C4orf36: variants seen among roughly 807,000 people sequenced by gnomAD.
C4orf36 encodes the protein uncharacterized protein C4orf36.
C4orf36 carries 11 observed loss-of-function variants against 12.2 expected under a neutral mutation model. That is an observed-to-expected ratio of 0.90 (90% CI 0.57 to 1.49). C4orf36 has a LOEUF of 1.49. Among genes scored for constraint, C4orf36 ranks in the 40% most tolerant of loss-of-function variants. C4orf36 has a pLI of 0.00. For synonymous variants in C4orf36, 54 were observed against 51.3 expected (o/e 1.05, Z -0.22); for missense variants, 137 against 133.9 (o/e 1.02, Z -0.11).
chr4:86,902,439 A>AAAAAAAAAAAG, the C4orf36 span, among the ~76,000 whole-genome samples: 1 of 140,974 alleles, frequency 7.1e-6, no homozygotes. Context: ...AAAAAAAAAA[A>AAAAAAAAAAAG]AAAGAAAGAA....
the C4orf36 span, among the ~76,000 whole-genome samples, chr4:86,923,255 C>A: frequency 6.6e-6 from 1 of 152,032 alleles, no homozygotes; most frequent in Admixed American, 6.5e-5. Context: ...CTATGCCTGG[C>A]TGTTTTTTAA....
Position 86,892,406 on chromosome 4 carries a change from C to T in C4orf36, c.-297G>A. The T allele has an allele frequency of 1.0e-6, 1 of 985,572 alleles. No homozygotes were observed. Among genetic ancestry groups the T allele is most frequent in the Non-Finnish European group, 1.2e-6 (1 of 830,042 alleles). The allele number at this position is 985,572 out of a possible 1,614,324, so 61.1% of individuals were successfully genotyped here. On this transcript the variant is annotated 5_prime_UTR_variant, in exon 1 of 5. Transcript: ENST00000295898. ...CAGGCACACGCCTCCTTCCCGCTCG[C>T]CGCGGGCGCCGAGTCTGGGGCTCCT... is the stretch of plus-strand genomic sequence containing the variant.
At chr4:86,933,138 T>TA in the C4orf36 span, 1 of 149,536 alleles carries the variant, frequency 6.7e-6, no homozygotes, top group Non-Finnish European at 1.5e-5. Context: ...AAAGGCAACT[T>TA]AAAAAATAAT....
intron 4 of C4orf36, among the ~76,000 whole-genome samples, chr4:86,884,861 T>C (rs1384825353): frequency 6.6e-6 from 1 of 152,192 alleles, no homozygotes; most frequent in Non-Finnish European, 1.5e-5. Flanking sequence ...CTGTAATCCA[T>C]CTTGAATTAA....
the C4orf36 span, chr4:86,924,726 G>A: frequency 6.6e-6 from 1 of 152,216 alleles, no homozygotes; most frequent in East Asian, 1.9e-4. Context: ...GAACTTGTAT[G>A]CTTGAGGCTT....
the C4orf36 span, among the ~76,000 whole-genome samples, chr4:86,897,633 G>A: frequency 8.5e-5 from 13 of 152,196 alleles, no homozygotes; most frequent in Non-Finnish European, 1.6e-4. Flanking sequence ...GACCAAAACA[G>A]ACAATAATGG....
the C4orf36 span, among the ~76,000 whole-genome samples, chr4:86,915,963 G>A: frequency 6.6e-6 from 1 of 152,144 alleles, no homozygotes; most frequent in African/African-American, 2.4e-5. Flanking sequence ...CTCCCCTAGA[G>A]GCTTGAGAGA....
the C4orf36 span, among the ~76,000 whole-genome samples, chr4:86,902,392 C>T: frequency 4.3e-4 from 57 of 133,026 alleles, no homozygotes; most frequent in Admixed American, 4.6e-3. Flanking sequence ...ACTGCAACTC[C>T]AACCTGGGCA....
At chr4:86,923,763 C>CAA in the C4orf36 span, among the ~76,000 whole-genome samples, 19 of 62,406 alleles carry the variant, frequency 3.0e-4, no homozygotes, top group Admixed American at 9.3e-4. Context: ...GACTCTGTCT[C>CAA]AAAAAAAAAA....
At chr4:86,916,846 C>T in the C4orf36 span, among the ~76,000 whole-genome samples, 7 of 152,152 alleles carry the variant, frequency 4.6e-5, no homozygotes, top group African/African-American at 1.4e-4. Flanking sequence ...CTATAGAATG[C>T]GGATACTGCA....
intron 4 of C4orf36, among the ~76,000 whole-genome samples, chr4:86,882,238 A>G (rs75822805): frequency 0.02 from 3,088 of 152,320 alleles, 117 homozygotes; most frequent in African/African-American, 0.07. Flanking sequence ...AATCATGAGG[A>G]ACCAAAGCTT....
the C4orf36 span, among the ~76,000 whole-genome samples, chr4:86,932,561 T>G: frequency 1.3e-5 from 2 of 152,088 alleles, no homozygotes; most frequent in East Asian, 3.9e-4. Context: ...GCCTCTATCT[T>G]AATGTTGTCT....
the C4orf36 span, among the ~76,000 whole-genome samples, chr4:86,906,292 A>C: frequency 1.3e-5 from 2 of 152,180 alleles, no homozygotes; most frequent in Non-Finnish European, 1.5e-5. Context: ...ATGGCCTTTA[A>C]TGTAGAGTAG....
At chr4:86,900,435 C>A in the C4orf36 span, among the ~76,000 whole-genome samples, 4 of 152,118 alleles carry the variant, frequency 2.6e-5, no homozygotes, top group Non-Finnish European at 5.9e-5. Context: ...CAGACTGTGA[C>A]TTTATTTGAA....
chr4:86,922,175 T>C, the C4orf36 span, among the ~76,000 whole-genome samples: 1 of 152,102 alleles, frequency 6.6e-6, no homozygotes, highest in Non-Finnish European at 1.5e-5. Context: ...AACCACAGGG[T>C]GGTTAATCTA....
intron 4 of C4orf36, among the ~76,000 whole-genome samples, chr4:86,877,672 C>T (rs920200150): frequency 4.6e-5 from 7 of 152,254 alleles, no homozygotes; most frequent in African/African-American, 1.2e-4. Flanking sequence ...TCATTTGTGC[C>T]ATATGTCACA....
Position 86,876,332 on chromosome 4 carries a change from G to C in C4orf36, c.*114C>G. On this transcript the variant is annotated 3_prime_UTR_variant, in exon 5 of 5. Transcript: ENST00000295898. ...GCTTCCTGAGGTGGGGGCCGGGCCA[G>C]GATGGCTGCAGCGCAGCGACGGCCG... 1.3e-6 allele frequency: 2 copies of C among 1,522,118 alleles called. No homozygotes were observed. The highest frequency in any genetic ancestry group is 2.5e-5 in the South Asian group (2 of 80,924). The allele number at this position is 1,522,118 out of a possible 1,614,324, so 94.3% of individuals were successfully genotyped here. A position where few individuals can be genotyped will look rare whatever the true frequency, so the allele number is the denominator to read the frequency against.
At chr4:86,881,651 T>C (rs746439141) in intron 4 of C4orf36, among the ~76,000 whole-genome samples, 7 of 152,068 alleles carry the variant, frequency 4.6e-5, no homozygotes, top group Non-Finnish European at 1.5e-5. Flanking sequence ...TGCATTCTAT[T>C]GTGGATCTTT....
At chr4:86,928,553 T>A in the C4orf36 span, among the ~76,000 whole-genome samples, 1 of 152,176 alleles carries the variant, frequency 6.6e-6, no homozygotes, top group Admixed American at 6.5e-5. Context: ...TAGACTAGAC[T>A]AGACTAGATT....
Sources: allele counts gnomAD v4.1 joint callset (sites outside exome capture counted in the v4.1 genomes callset), GRCh38; gene constraint gnomAD v4.1.1; transcripts MANE v1.5; gene names NCBI Gene and HGNC (gene_info 2026-07-23, HGNC 2026-07-21).